The following SLC35F4 variants were observed in gnomAD, a reference collection of about 807,000 sequenced individuals.
SLC35F4 encodes chromosome 14 open reading frame 36.
In SLC35F4, 24 loss-of-function variants were observed where a neutral mutation model predicts 44.2. The ratio of observed to expected loss-of-function variants is 0.54; its 90% confidence interval spans 0.39 to 0.76. The LOEUF is 0.76. Among genes scored for constraint, SLC35F4 ranks in the 30% least tolerant of loss-of-function variants. The probability of loss-of-function intolerance (pLI) is 0.00; values close to 1 mark genes in which losing one functional copy is unlikely to be tolerated. For synonymous variants in SLC35F4, 238 were observed against 223.6 expected (o/e 1.06, Z -0.57); for missense variants, 562 against 586.1 (o/e 0.96, Z 0.42).
At chr14:57,788,237 A>C (rs1046060617) in intron 1 of SLC35F4, among the ~76,000 whole-genome samples, 2 of 152,202 alleles carry the variant, frequency 1.3e-5, no homozygotes, top group South Asian at 4.1e-4. Context: ...ACATATGTGC[A>C]CCTAACACTG....
chr14:57,583,298 C>T (rs773935639), intron 3 of SLC35F4, among the ~76,000 whole-genome samples: 5 of 152,186 alleles, frequency 3.3e-5, no homozygotes, highest in East Asian at 1.9e-4. Context: ...CGATCTGCTC[C>T]GTGAGAAAGC....
intron 1 of SLC35F4, among the ~76,000 whole-genome samples, chr14:57,657,285 A>G (rs998614752): frequency 3.3e-5 from 5 of 152,136 alleles, no homozygotes; most frequent in African/African-American, 9.7e-5. Flanking sequence ...CTGGGCTTTA[A>G]TCTTGTTTAG....
chr14:57,697,076 T>G (rs547425370), intron 1 of SLC35F4, among the ~76,000 whole-genome samples: 1 of 152,272 alleles, frequency 6.6e-6, no homozygotes, highest in African/African-American at 2.4e-5. Context: ...TCCCAGAACT[T>G]TAAGTAAAAT....
At chr14:57,740,736 A>C (rs1482621614) in intron 1 of SLC35F4, among the ~76,000 whole-genome samples, 1 of 152,228 alleles carries the variant, frequency 6.6e-6, no homozygotes, top group Non-Finnish European at 1.5e-5. Context: ...AGATCATATG[A>C]ATATATTATC....
chr14:57,876,762 A>G (rs1419176184), intron 1 of SLC35F4, among the ~76,000 whole-genome samples: 2 of 152,200 alleles, frequency 1.3e-5, no homozygotes, highest in Non-Finnish European at 2.9e-5. Context: ...ACACAGCAGC[A>G]ACATTGGATA....
intron 1 of SLC35F4, among the ~76,000 whole-genome samples, chr14:57,672,778 ATTTTATT>A (rs1288051379): frequency 2.5e-4 from 6 of 24,408 alleles, no homozygotes; most frequent in African/African-American, 5.7e-4. Flanking sequence ...GGTAAATTTT[ATTTTATT>A]TTTTTTTTTT....
At chr14:57,642,561 C>T (rs1475548640) in intron 1 of SLC35F4, among the ~76,000 whole-genome samples, 1 of 151,660 alleles carries the variant, frequency 6.6e-6, no homozygotes, top group Admixed American at 6.6e-5. Context: ...AACTTCTTAT[C>T]TAAAAACACA....
chr14:57,707,046 C>A, intron 1 of SLC35F4, among the ~76,000 whole-genome samples: 1 of 152,160 alleles, frequency 6.6e-6, no homozygotes, highest in African/African-American at 2.4e-5. Flanking sequence ...CAATTTGAAC[C>A]AAGATGGAGA....
intron 1 of SLC35F4, among the ~76,000 whole-genome samples, chr14:57,635,260 A>C (rs970154513): frequency 6.6e-6 from 1 of 151,798 alleles, no homozygotes; most frequent in Non-Finnish European, 1.5e-5. Context: ...AAAAAAAAAA[A>C]AACCCCAAAT....
At chr14:57,859,846 A>G (rs1046828409) in intron 1 of SLC35F4, among the ~76,000 whole-genome samples, 2 of 152,202 alleles carry the variant, frequency 1.3e-5, no homozygotes, top group African/African-American at 4.8e-5. Context: ...TGGCTTGGAC[A>G]ATTGGTTTGA....
intron 1 of SLC35F4, among the ~76,000 whole-genome samples, chr14:57,831,062 ACT>A: frequency 6.6e-6 from 1 of 151,996 alleles, no homozygotes; most frequent in African/African-American, 2.4e-5. Context: ...TTCTCTCTCA[ACT>A]CTGATTTCTT....
At chr14:57,879,057 G>C (rs558337509) in intron 1 of SLC35F4, among the ~76,000 whole-genome samples, 1 of 152,198 alleles carries the variant, frequency 6.6e-6, no homozygotes, top group South Asian at 2.1e-4. Flanking sequence ...AACAAGTCAT[G>C]ATCCACTTCT....
intron 1 of SLC35F4, among the ~76,000 whole-genome samples, chr14:57,605,745 A>G (rs1468447917): frequency 6.6e-6 from 1 of 152,114 alleles, no homozygotes; most frequent in Non-Finnish European, 1.5e-5. Flanking sequence ...AAAAAAAAAA[A>G]GTGGTACAGA....
At chr14:57,829,298 G>A (rs923727318) in intron 1 of SLC35F4, among the ~76,000 whole-genome samples, 4 of 152,190 alleles carry the variant, frequency 2.6e-5, no homozygotes, top group Non-Finnish European at 4.4e-5. Flanking sequence ...TCTGGCAGGA[G>A]AGAGAATGCC....
At chr14:57,819,804 C>A (rs1166483041) in intron 1 of SLC35F4, among the ~76,000 whole-genome samples, 126 of 143,686 alleles carry the variant, frequency 8.8e-4, no homozygotes, top group Middle Eastern at 3.5e-3. Context: ...CAGAGCAAGA[C>A]CCCGTCTCAA....
Position 57,678,895 on chromosome 14 carries a change from A to G in SLC35F4, c.104-84771T>C, listed in dbSNP as rs148135099. On this transcript the variant is annotated intron_variant, in intron 1 of 7. Transcript: ENST00000556826. ...ATAAAGCAAGTTCTTATGGACCTTCAAAGAGACTTAGACTCCCACACAGTA... is the reference window on the plus strand; with the variant it reads ...ATAAAGCAAGTTCTTATGGACCTTCGAAGAGACTTAGACTCCCACACAGTA... 2.9e-3 allele frequency among the ~76,000 whole-genome samples: 435 copies of G among 152,180 alleles called. 5 individuals carry two copies. The highest frequency in any genetic ancestry group is 0.01 in the African/African-American group (415 of 41,458).
intron 1 of SLC35F4, among the ~76,000 whole-genome samples, chr14:57,851,379 A>T (rs60897378): frequency 0.014 from 2,148 of 152,294 alleles, 55 homozygotes; most frequent in African/African-American, 0.046. Context: ...TTTGGTGTAT[A>T]TGTGCATTTG....
intron 1 of SLC35F4, among the ~76,000 whole-genome samples, chr14:57,670,144 A>G (rs1399426056): frequency 6.6e-6 from 1 of 151,932 alleles, no homozygotes; most frequent in Non-Finnish European, 1.5e-5. Context: ...TTCTCTGATG[A>G]TAGTTTGTAT....
At chr14:57,598,470 A>G (rs923654951) in intron 1 of SLC35F4, among the ~76,000 whole-genome samples, 7 of 152,358 alleles carry the variant, frequency 4.6e-5, no homozygotes, top group Middle Eastern at 3.4e-3. Context: ...GCCACTGAGT[A>G]AAACAATTGC....
Sources: gnomAD v4.1 joint callset for allele counts (sites outside exome capture counted in the v4.1 genomes callset) on GRCh38, gnomAD v4.1.1 for gene constraint, MANE v1.5 for transcripts, NCBI Gene and HGNC (gene_info 2026-07-23, HGNC 2026-07-21) for gene names.